PPP1R3F: variants seen among roughly 807,000 people sequenced by gnomAD.
PPP1R3F encodes protein phosphatase 1 regulatory subunit 3F, also known as protein phosphatase 1, regulatory (inhibitor) subunit 3F.
Under a neutral mutation model 24.2 loss-of-function variants are expected in PPP1R3F, and 29 were observed. The observed-to-expected ratio is 1.20, with a 90% CI of 0.89 to 1.63. The LOEUF is 1.63. Among genes scored for constraint, PPP1R3F ranks in the 40% most tolerant of loss-of-function variants. PPP1R3F has a pLI of 0.00. For missense variants in PPP1R3F, 823 were observed against 729.3 expected, an observed-to-expected ratio of 1.13 and a Z score of -1.48; for synonymous variants, 363 against 340.1, an observed-to-expected ratio of 1.07 and a Z score of -0.74.
chrX:49,294,789 A>G (rs2147979442), intron 3 of PPP1R3F, among the ~76,000 whole-genome samples: 1 of 108,636 alleles, frequency 9.2e-6, no homozygotes, highest in East Asian at 3.0e-4. Context: ...AGGCGCCTGT[A>G]GTCCCAGCTA....
intron 3 of PPP1R3F, among the ~76,000 whole-genome samples, chrX:49,282,443 CTGTGTGTGTGTGTGTGTGTGTGTGTGTG>C (rs545507997): frequency 1.2e-4 from 9 of 73,948 alleles, no homozygotes; most frequent in Non-Finnish European, 2.3e-4. Flanking sequence ...GTGAGAGACT[CTGTGTGTGTGTGTGTGTGTGTGTGTGTG>C]TGTGTGTGTG....
downstream of PPP1R3F, among the ~76,000 whole-genome samples, chrX:49,291,718 A>C (rs1279179702): frequency 3.7e-5 from 4 of 109,207 alleles, no homozygotes; most frequent in South Asian, 4.0e-4. Flanking sequence ...CCATGTTCTT[A>C]TCAGCCCTGA....
At chrX:49,297,828 C>CTTTTTTTTTTTTTTTT (rs61353822) in intron 3 of PPP1R3F, among the ~76,000 whole-genome samples, 25 of 19,619 alleles carry the variant, frequency 1.3e-3, no homozygotes, top group Admixed American at 4.2e-3. Context: ...GCAACCCCTG[C>CTTTTTTTTTTTTTTTT]TTTTTTTTTT....
chrX:49,281,564 TC>T (rs781964748), intron 2 of PPP1R3F, 103 bp downstream of exon 2: 103 of 672,054 alleles, frequency 1.5e-4, no homozygotes, highest in Non-Finnish European at 2.2e-4. Context: ...GCTCAGTGGC[TC>T]ATGCCTGTAA....
chrX:49,299,791 G>A (rs953706787), intron 3 of PPP1R3F, among the ~76,000 whole-genome samples: 11 of 111,674 alleles, frequency 9.9e-5, no homozygotes, highest in Admixed American at 2.8e-4. Context: ...TGAACTTCCC[G>A]GAGGCTTTGT....
chrX:49,282,616 G>A (rs1029817162), intron 3 of PPP1R3F, among the ~76,000 whole-genome samples: 3 of 108,843 alleles, frequency 2.8e-5, no homozygotes, highest in South Asian at 4.1e-4. Context: ...ACTAAGGGAA[G>A]AACATCCCAG....
chrX:49,294,833 C>T (rs960236948), intron 3 of PPP1R3F, among the ~76,000 whole-genome samples: 12 of 105,089 alleles, frequency 1.1e-4, no homozygotes, highest in Non-Finnish European at 2.1e-4. Context: ...GGTGTGAACT[C>T]GGGAGGTGGA....
intron 1 of PPP1R3F, chrX:49,273,162 G>C (rs1246670714): frequency 9.1e-6 from 1 of 109,901 alleles, no homozygotes; most frequent in Non-Finnish European, 1.9e-5. Context: ...TACTGAGCAG[G>C]TCCAGTACCC....
Position 49,286,183 on chromosome X carries a change from G to T in PPP1R3F, c.1493G>T (p.Arg498Leu). 1 of 1,198,523 alleles carries T rather than the reference G, an allele frequency of 8.3e-7. No individual in the cohort carries two copies. Among genetic ancestry groups the T allele is most frequent in the African/African-American group, 1.7e-5 (1 of 57,253 alleles). ...LEQLYLSHLSRLRAAVAAGGA... is the reference protein window; with the variant it reads ...LEQLYLSHLSLLRAAVAAGGA... ...CAGCTCTACCTGTCTCACCTGAGCC[G>T]CCTACGGGCTGCTGTGGCTGCGGGT... Residue 498 changes from arginine to leucine, a missense_variant, in exon 4 of 4, where the codon CGC becomes CTC. Coordinates refer to ENST00000055335, the MANE Select transcript of PPP1R3F (RefSeq NM_033215.5).
At chrX:49,290,088 C>T (rs1282663814), downstream of PPP1R3F, among the ~76,000 whole-genome samples, 4 of 110,524 alleles carry the variant, frequency 3.6e-5, no homozygotes, top group African/African-American at 1.3e-4. Flanking sequence ...AAAACAACCC[C>T]CCCCATACAT....
chrX:49,296,645 G>A (rs2066323563), intron 3 of PPP1R3F, among the ~76,000 whole-genome samples: 1 of 111,960 alleles, frequency 8.9e-6, no homozygotes, highest in African/African-American at 3.2e-5. Context: ...GCTTTCTCCT[G>A]TGGGCGTTTA....
intron 3 of PPP1R3F, among the ~76,000 whole-genome samples, chrX:49,293,298 A>C (rs1162469065): frequency 3.6e-5 from 4 of 112,392 alleles, no homozygotes; most frequent in African/African-American, 1.3e-4. Flanking sequence ...GATTTGCATG[A>C]TATGCCATCA....
chrX:49,297,185 TTTTATTTA>T (rs200480890), intron 3 of PPP1R3F, among the ~76,000 whole-genome samples: 976 of 94,046 alleles, frequency 0.01, 4 homozygotes, highest in African/African-American at 0.015. Context: ...CTTGCTTTAT[TTTTATTTA>T]TTTATTTATT....
intron 2 of PPP1R3F, among the ~76,000 whole-genome samples, 192 bp downstream of exon 2, chrX:49,281,653 G>C (rs1602710272): frequency 9.5e-6 from 1 of 104,993 alleles, no homozygotes; most frequent in Middle Eastern, 4.8e-3. Context: ...AACATAGTGA[G>C]ACCTCATCTC....
intron 1 of PPP1R3F, chrX:49,274,665 A>G (rs1197386936): frequency 5.3e-5 from 6 of 112,243 alleles, no homozygotes; most frequent in Admixed American, 4.7e-4. Flanking sequence ...GCAGATGAAC[A>G]TCGCCACCAG....
At chrX:49,278,233 G>A (rs1157318303) in intron 1 of PPP1R3F, among the ~76,000 whole-genome samples, 1 of 111,914 alleles carries the variant, frequency 8.9e-6, no homozygotes, top group African/African-American at 3.3e-5. Flanking sequence ...TGTAATATAT[G>A]TCCGGACTAG....
chrX:49,292,114 A>G (rs1275793417), downstream of PPP1R3F, among the ~76,000 whole-genome samples: 9 of 111,373 alleles, frequency 8.1e-5, no homozygotes, highest in Admixed American at 8.6e-4. Context: ...AGAAGACGGG[A>G]ACAGTCTTAA....
At chrX:49,292,948 G>A (rs1227444466), downstream of PPP1R3F, among the ~76,000 whole-genome samples, 1 of 112,269 alleles carries the variant, frequency 8.9e-6, no homozygotes, top group Non-Finnish European at 1.9e-5. Flanking sequence ...TGGTGGGGAA[G>A]GATGGATGCG....
intron 1 of PPP1R3F, among the ~76,000 whole-genome samples, chrX:49,271,923 A>G (rs2066182746): frequency 8.9e-6 from 1 of 112,265 alleles, no homozygotes. Flanking sequence ...GGTTTCCTCT[A>G]TCAAGCTATG....
Sources: allele counts gnomAD v4.1 joint callset (sites outside exome capture counted in the v4.1 genomes callset), GRCh38; gene constraint gnomAD v4.1.1; transcripts MANE v1.5; gene names NCBI Gene and HGNC (gene_info 2026-07-23, HGNC 2026-07-21).